Variants in ADPRHL1 observed in about 807,000 individuals in gnomAD.
ADPRHL1 encodes the protein inactive ADP-ribosyltransferase ARH2.
Under a neutral mutation model 44.1 loss-of-function variants are expected in ADPRHL1, and 43 were observed. That is an observed-to-expected ratio of 0.98 (90% CI 0.76 to 1.26). The LOEUF is 1.26. ADPRHL1 is among the 50% of genes most tolerant of loss of function. The probability of loss-of-function intolerance (pLI) is 0.00; values close to 1 mark genes in which losing one functional copy is unlikely to be tolerated. For synonymous variants in ADPRHL1, 878 were observed against 1,017.4 expected (o/e 0.86, Z 2.61); for missense variants, 2,022 against 2,496.9 (o/e 0.81, Z 4.05).
At position 113,405,365 on chromosome 13, in the gene ADPRHL1, C is replaced by T. The variant is rs573677872; in HGVS notation, c.3917G>A (p.Arg1306His). ...AAGCAGATGGTCAGGCTCCGCCCCA[C>T]GGGGAAACCTGACGCCCTCCCTGCC... ...AKGREGVRFP[R>H]GAEPDHLLPA... The change falls in exon 8 of 8, where the codon CGT (arginine) becomes CAT (histidine). Residue 1306 changes from arginine (R) to histidine (H), a missense_variant. Coordinates refer to ENST00000612156, the MANE Select transcript of ADPRHL1 (RefSeq NM_001394807.1). 47 of 1,231,832 alleles carry T rather than the reference C, an allele frequency of 3.8e-5. 1 individual carries two copies. The East Asian group carries it at 1.2e-3, about 31-fold the overall frequency. The allele number at this position is 1,231,832 out of a possible 1,614,324, so 76.3% of individuals were successfully genotyped here.
intron 1 of ADPRHL1, among the ~76,000 whole-genome samples, chr13:113,446,063 C>A (rs2044134924): frequency 7.8e-6 from 1 of 128,122 alleles, no homozygotes; most frequent in Admixed American, 8.1e-5. Context: ...CAGGGCCCGG[C>A]GGCTGCAAAC....
chr13:113,435,229 C>T (rs1457497487), intron 2 of ADPRHL1, among the ~76,000 whole-genome samples: 1 of 15,654 alleles, frequency 6.4e-5, no homozygotes, highest in Non-Finnish European at 1.5e-4. Context: ...GGACCCAGCA[C>T]CCAGGTGTAG....
At chr13:113,432,241 A>G (rs1242954558) in intron 3 of ADPRHL1, among the ~76,000 whole-genome samples, 1 of 152,028 alleles carries the variant, frequency 6.6e-6, no homozygotes, top group African/African-American at 2.4e-5. Flanking sequence ...CTCCTACATC[A>G]GTAGCTGGAA....
intron 7 of ADPRHL1, among the ~76,000 whole-genome samples, chr13:113,417,046 G>GGA (rs1165129355): frequency 6.6e-6 from 1 of 152,216 alleles, no homozygotes; most frequent in East Asian, 1.9e-4. Flanking sequence ...CATTAAGATA[G>GGA]GAGAGAGAGA....
chr13:113,441,587 CA>C lies in ADPRHL1; in HGVS notation c.379+2837del, dbSNP rs2044098913. Among the ~76,000 whole-genome samples, 1 of 152,154 alleles carries C rather than the reference CA, an allele frequency of 6.6e-6. No homozygotes were observed. Among genetic ancestry groups the C allele is most frequent in the African/African-American group, 2.4e-5 (1 of 41,422 alleles). On this transcript the variant is annotated intron_variant, in intron 2 of 7. Transcript: ENST00000612156. This position sits in a 1 kb window ranked among gnomAD's most constrained non-coding sequence, Gnocchi z 6.0. Reference sequence around the variant, plus strand: ...TACATTCTACTTATATTTTATAAACCATACCGTTCATTATTATTTTTAAGTC... The same window carrying C: ...TACATTCTACTTATATTTTATAAACCTACCGTTCATTATTATTTTTAAGTC...
Position 113,403,139 on chromosome 13 carries a change from G to A in ADPRHL1, c.*239C>T. ...ACAAAGAATCCCGAGGGCCTGGTGA[G>A]GCCACAGGCCCGCACCTCCCACCCC... On this transcript the variant is annotated 3_prime_UTR_variant, in exon 8 of 8. Coordinates refer to ENST00000612156, the MANE Select transcript of ADPRHL1 (RefSeq NM_001394807.1). The A allele has an allele frequency of 2.8e-6, 1 of 354,214 alleles. No homozygotes were observed. Among genetic ancestry groups the A allele is most frequent in the Non-Finnish European group, 5.0e-6 (1 of 198,814 alleles). The allele number at this position is 354,214 out of a possible 1,614,324, so 21.9% of individuals were successfully genotyped here.
intron 2 of ADPRHL1, among the ~76,000 whole-genome samples, chr13:113,437,348 T>TA: frequency 7.1e-6 from 1 of 141,252 alleles, no homozygotes; most frequent in South Asian, 2.3e-4. Context: ...AGAGTGAACA[T>TA]AGGTGTACCC....
chr13:113,426,618 A>G (rs562786204), intron 4 of ADPRHL1, among the ~76,000 whole-genome samples: 1 of 152,356 alleles, frequency 6.6e-6, no homozygotes, highest in Admixed American at 6.5e-5. Context: ...CTCTGGGCCA[A>G]CTTGGTTTCA....
chr13:113,436,775 A>G (rs2044060864), intron 2 of ADPRHL1, among the ~76,000 whole-genome samples: 1 of 12,824 alleles, frequency 7.8e-5, no homozygotes, highest in Non-Finnish European at 1.6e-4. Context: ...GTACCCCGGG[A>G]CCCGGCACCC....
At chr13:113,425,221 A>C in intron 4 of ADPRHL1, 42 bp from the exon 5 acceptor site, 1 of 793,326 alleles carries the variant, frequency 1.3e-6, no homozygotes, top group Non-Finnish European at 1.6e-6. Context: ...AATGGCATCC[A>C]TGGAGTGGGG....
chr13:113,422,025 G>A (rs147248343), intron 7 of ADPRHL1: 4 of 152,374 alleles, frequency 2.6e-5, no homozygotes, highest in Non-Finnish European at 5.9e-5. Flanking sequence ...AGAGCAAGTG[G>A]TCTCTTTTCC....
chr13:113,417,537 T>C (rs1433798613), intron 7 of ADPRHL1, among the ~76,000 whole-genome samples: 1 of 152,182 alleles, frequency 6.6e-6, no homozygotes, highest in Non-Finnish European at 1.5e-5. Flanking sequence ...TCCCTGCCTT[T>C]GTCTGTCTGT....
intron 3 of ADPRHL1, among the ~76,000 whole-genome samples, chr13:113,429,687 C>G (rs939703773): frequency 6.6e-6 from 1 of 152,220 alleles, no homozygotes; most frequent in African/African-American, 2.4e-5. Flanking sequence ...GAGGTGGGGG[C>G]TCTCCTGACT....
chr13:113,431,909 G>A (rs1259345290), intron 3 of ADPRHL1, among the ~76,000 whole-genome samples: 2 of 152,140 alleles, frequency 1.3e-5, no homozygotes, highest in African/African-American at 2.4e-5. Flanking sequence ...TAGAGACGAG[G>A]TTTCACCATG....
Position 113,403,480 on chromosome 13 carries a change from C to T in ADPRHL1, c.5802G>A (p.Leu1934=). Residue 1934 remains leucine, a synonymous_variant, in exon 8 of 8, where the codon CTG becomes CTA. Transcript: ENST00000612156. Reference sequence around the variant, plus strand: ...GGAAGCTCTGGGCTTTGTACTTGGCCAGGTGCCTGGACCTCCCGCGACGCT... The same window carrying T: ...GGAAGCTCTGGGCTTTGTACTTGGCTAGGTGCCTGGACCTCCCGCGACGCT... ...EPERRGRSRH[L]AKYKAQSFRD... is the part of the protein sequence containing the mutation. 8.1e-7 allele frequency: 1 copy of T among 1,232,106 alleles called. No individual in the cohort carries two copies. The highest frequency in any genetic ancestry group is 1.0e-6 in the Non-Finnish European group (1 of 988,034). The allele number at this position is 1,232,106 out of a possible 1,614,324, so 76.3% of individuals were successfully genotyped here.
At chr13:113,418,255 G>A (rs1179539530) in intron 7 of ADPRHL1, among the ~76,000 whole-genome samples, 1 of 152,196 alleles carries the variant, frequency 6.6e-6, no homozygotes, top group Admixed American at 6.5e-5. Context: ...GCATGGAATA[G>A]ACAGGGGAAA....
At chr13:113,419,061 T>TCCCTCCCTC (rs1169975243) in intron 7 of ADPRHL1, among the ~76,000 whole-genome samples, 11 of 130,588 alleles carry the variant, frequency 8.4e-5, no homozygotes, top group Admixed American at 1.7e-4. Context: ...TTCTTCTCCT[T>TCCCTCCCTC]CCTTCACTCC....
chr13:113,415,581 A>T (rs555270753), intron 7 of ADPRHL1, among the ~76,000 whole-genome samples: 77 of 152,078 alleles, frequency 5.1e-4, no homozygotes, highest in African/African-American at 1.9e-3. Flanking sequence ...TGAAACCGCA[A>T]CTCTACTAAA....
chr13:113,408,926 GGGTTGCAGAGAGGAGGGGA>G (rs1274777752), intron 7 of ADPRHL1, among the ~76,000 whole-genome samples: 1 of 151,140 alleles, frequency 6.6e-6, no homozygotes, highest in Non-Finnish European at 1.5e-5. Flanking sequence ...GGGGAGGAGC[GGGTTGCAGAGAGGAGGGGA>G]GGTTGCAGAG....
Sources: gnomAD v4.1 joint callset for allele counts (sites outside exome capture counted in the v4.1 genomes callset) on GRCh38, gnomAD v4.1.1 for gene constraint, Gnocchi (gnomAD v3.1) non-coding constraint, MANE v1.5 for transcripts, NCBI Gene and HGNC (gene_info 2026-07-23, HGNC 2026-07-21) for gene names.